TRPV4: variants seen among roughly 807,000 people sequenced by gnomAD.
The protein encoded by TRPV4 is OSM9-like transient receptor potential channel 4.
In TRPV4, 58 loss-of-function variants were observed where a neutral mutation model predicts 84.1. The ratio of observed to expected loss-of-function variants is 0.69; its 90% CI spans 0.56 to 0.86. The LOEUF (loss-of-function observed/expected upper bound fraction) is 0.86, where lower values mean the gene tolerates loss of function less well. TRPV4 is among the 40% of genes least tolerant of loss of function. The probability of loss-of-function intolerance (pLI) is 0.00; values close to 1 mark genes in which losing one functional copy is unlikely to be tolerated. For synonymous variants in TRPV4, 489 were observed against 500.9 expected (o/e 0.98, Z 0.32); for missense variants, 879 against 1,181.1 (o/e 0.74, Z 3.75).
intron 1 of TRPV4, among the ~76,000 whole-genome samples, chr12:109,822,921 T>C (rs1451071096): frequency 6.6e-6 from 1 of 152,220 alleles, no homozygotes; most frequent in Admixed American, 6.5e-5. Context: ...TACTATTTAT[T>C]AGTATCATTA....
At position 109,796,115 on chromosome 12, in the gene TRPV4, T is replaced by C. The variant is rs979611263; in HGVS notation, c.1332+410A>G. 2.0e-5 allele frequency among the ~76,000 whole-genome samples: 3 copies of C among 152,108 alleles called. No individual in the cohort carries two copies. The highest frequency in any genetic ancestry group is 7.2e-5 in the African/African-American group (3 of 41,414). On this transcript the variant is annotated intron_variant, in intron 7 of 15. Coordinates refer to ENST00000261740, the MANE Select transcript of TRPV4 (RefSeq NM_021625.5). This position sits in a 1 kb window ranked among gnomAD's most constrained non-coding sequence, Gnocchi z 4.2. The stretch of plus-strand genomic sequence containing the variant: ...CAACCATGAGTAGTAAAAGCTGACA[T>C]AATGTTTACTCTGTGCCAAGCCATT...
At position 109,798,515 on chromosome 12, in the gene TRPV4, A is replaced by G; in HGVS notation, c.1152+99T>C. 2 of 1,453,020 alleles carry G rather than the reference A, an allele frequency of 1.4e-6. No homozygotes were observed. The highest frequency in any genetic ancestry group is 1.2e-5 in the South Asian group (1 of 84,472). The allele number at this position is 1,453,020 out of a possible 1,614,324, so 90.0% of individuals were successfully genotyped here. ...CTGGGGTTGGCATGTTGGGAGGTGC[A>G]TGCACGTATTAATAATGAATACCAG... is the stretch of plus-strand genomic sequence containing the variant. On this transcript the variant is annotated intron_variant, in intron 6 of 15. Coordinates refer to ENST00000261740, the MANE Select transcript of TRPV4 (RefSeq NM_021625.5). The surrounding 1 kb of genome is among the most constrained non-coding windows in gnomAD (Gnocchi z 5.0).
At chr12:109,785,762 G>A (rs1889647855) in intron 14 of TRPV4, among the ~76,000 whole-genome samples, 1 of 151,828 alleles carries the variant, frequency 6.6e-6, no homozygotes, top group Admixed American at 6.6e-5. Flanking sequence ...GCTGGGTGTG[G>A]TGGCTCACGC....
At chr12:109,811,613 G>T (rs1278321277) in intron 2 of TRPV4, among the ~76,000 whole-genome samples, 5 of 151,246 alleles carry the variant, frequency 3.3e-5, no homozygotes, top group African/African-American at 1.2e-4. Flanking sequence ...AGCCAAGATA[G>T]CGCCACTGCA....
In TRPV4 at chr12:109,786,341, G is replaced by T. The variant is rs1033124159; in HGVS notation, c.2336+369C>A. Among the ~76,000 whole-genome samples the T allele has an allele frequency of 6.6e-6, 1 of 152,178 alleles. No homozygotes were observed. Among genetic ancestry groups the T allele is most frequent in the Admixed American group, 6.5e-5 (1 of 15,280 alleles). On this transcript the variant is annotated intron_variant, in intron 14 of 15. Coordinates refer to ENST00000261740, the MANE Select transcript of TRPV4 (RefSeq NM_021625.5). The surrounding 1 kb of genome is among the most constrained non-coding windows in gnomAD (Gnocchi z 4.5). ...CACCCCACTGTTTGGTAGATACAGG[G>T]TGATGCTCTAAAATGAACCCACCAT...
intron 2 of TRPV4, among the ~76,000 whole-genome samples, chr12:109,811,873 G>A (rs1479314510): frequency 1.3e-5 from 2 of 151,856 alleles, no homozygotes; most frequent in African/African-American, 2.4e-5. Flanking sequence ...ACAGGCCACC[G>A]AGAGGAGATT....
intron 3 of TRPV4, 141 bp from the exon 4 acceptor site, chr12:109,803,284 T>C: frequency 9.6e-7 from 1 of 1,040,502 alleles, no homozygotes; most frequent in Non-Finnish European, 1.4e-6. Flanking sequence ...TCCTCATCTG[T>C]CCAGTGGGGA....
At chr12:109,825,984 T>C (rs1892242313) in intron 1 of TRPV4, among the ~76,000 whole-genome samples, 1 of 152,204 alleles carries the variant, frequency 6.6e-6, no homozygotes, top group African/African-American at 2.4e-5. Context: ...CCATCAGTAA[T>C]GCCTACCCTC....
At chr12:109,808,523 C>T (rs1891288895) in intron 2 of TRPV4, 55 bp from the exon 3 acceptor site, 2 of 1,559,198 alleles carry the variant, frequency 1.3e-6, no homozygotes, top group South Asian at 1.2e-5. Context: ...GCCTGCCCCA[C>T]TGTCCCTGGC....
chr12:109,828,584 G>C (rs1236392811), intron 1 of TRPV4, among the ~76,000 whole-genome samples: 2 of 152,240 alleles, frequency 1.3e-5, no homozygotes, highest in Admixed American at 1.3e-4. Context: ...CAGGAACAGA[G>C]AGCTTAAGCC....
Position 109,788,348 on chromosome 12 carries a change from C to A in TRPV4, c.2208+52G>T, listed in dbSNP as rs942467564. The stretch of plus-strand genomic sequence containing the variant: ...AGGAAGCCAGTCGGGTGGGTCTCCT[C>A]GGAAGGACGAGGGTGGCTGGTAGAG... On this transcript the variant is annotated intron_variant, in intron 13 of 15. Coordinates refer to ENST00000261740, the MANE Select transcript of TRPV4 (RefSeq NM_021625.5). 8.3e-6 allele frequency: 13 copies of A among 1,570,264 alleles called. No homozygotes were observed. In the East Asian group the frequency reaches 1.4e-4, roughly 17 times the overall value.
At position 109,808,416 on chromosome 12, in the gene TRPV4, T is replaced by TGAGGATGGGGG; in HGVS notation, c.428_438dup (p.Lys147ProfsTer32). 6.2e-7 allele frequency: 1 copy of TGAGGATGGGGG among 1,613,988 alleles called. No individual in the cohort carries two copies. Among genetic ancestry groups the TGAGGATGGGGG allele is most frequent in the Non-Finnish European group, 8.5e-7 (1 of 1,179,948 alleles). ...AAGAGGATAGGCCGGTTGAAGACTT[T>TGAGGATGGGGG]GAGGATGGGGGGCGGCTGAGGGGCA... On this transcript the variant is annotated frameshift_variant, in exon 3 of 16. Transcript: ENST00000261740. LOFTEE classifies it high-confidence loss of function.
rs1001425300 is a variant in TRPV4, at chr12:109,802,883, G to A, written c.712+108C>T. The A allele has an allele frequency of 3.5e-6, 4 of 1,153,086 alleles. No individual in the cohort carries two copies. In the African/African-American group the frequency reaches 6.0e-5, roughly 17 times the overall value. The allele number at this position is 1,153,086 out of a possible 1,614,324, so 71.4% of individuals were successfully genotyped here. A position where few individuals can be genotyped will look rare whatever the true frequency, so the allele number is the denominator to read the frequency against. The stretch of plus-strand genomic sequence containing the variant: ...CCATCCATCCATTTGTCAGGTCCTG[G>A]GTACATGCTGGCACTTAGGCCCAGA... On this transcript the variant is annotated intron_variant, in intron 4 of 15. Transcript: ENST00000261740.
At position 109,784,327 on chromosome 12, in the gene TRPV4, C is replaced by T. The variant is rs1431224527; in HGVS notation, c.2447G>A (p.Arg816His). The T allele has an allele frequency of 9.9e-6, 16 of 1,614,026 alleles. No homozygotes were observed. The highest frequency in any genetic ancestry group is 1.3e-5 in the African/African-American group (1 of 74,928). The change falls in exon 15 of 16, where the codon CGC (arginine) becomes CAC (histidine). Residue 816 changes from arginine (R) to histidine (H), a missense_variant. Transcript: ENST00000261740. ...GCCCCTCCACTCACCCCTGCGGAGG[C>T]GGCCCACGGTATGCGAGAAGCCATA... ...QYYGFSHTVG[R>H]LRRDRWSSVV...
At chr12:109,812,214 A>T (rs1485092692) in intron 2 of TRPV4, among the ~76,000 whole-genome samples, 1 of 152,136 alleles carries the variant, frequency 6.6e-6, no homozygotes, top group Non-Finnish European at 1.5e-5. Flanking sequence ...CTGGGGGAGG[A>T]TGGGGACCAG....
chr12:109,799,983 C>G (rs1293612571), intron 5 of TRPV4, among the ~76,000 whole-genome samples: 2 of 151,886 alleles, frequency 1.3e-5, no homozygotes, highest in East Asian at 3.9e-4. Flanking sequence ...CACTCTGTCA[C>G]CCAAGCTGGA....
chr12:109,808,399 A>T lies in TRPV4; in HGVS notation c.456T>A (p.Pro152=). Residue 152 remains proline (P), a synonymous_variant, in exon 3 of 16, where the codon CCT becomes CCA. Coordinates refer to ENST00000261740, the MANE Select transcript of TRPV4 (RefSeq NM_021625.5). ...PPPILKVFNR[P]ILFDIVSRGS... is the part of the protein sequence containing the mutation. Reference sequence around the variant, plus strand: ...CCCGGGACACGATGTCAAAGAGGATAGGCCGGTTGAAGACTTTGAGGATGG... The same window carrying T: ...CCCGGGACACGATGTCAAAGAGGATTGGCCGGTTGAAGACTTTGAGGATGG... 6.2e-7 allele frequency: 1 copy of T among 1,614,164 alleles called. No individual in the cohort carries two copies. Among genetic ancestry groups the T allele is most frequent in the Non-Finnish European group, 8.5e-7 (1 of 1,180,018 alleles).
intron 1 of TRPV4, among the ~76,000 whole-genome samples, chr12:109,819,068 C>T (rs1225210926): frequency 6.6e-6 from 1 of 152,048 alleles, no homozygotes; most frequent in Non-Finnish European, 1.5e-5. Flanking sequence ...TGTACACATA[C>T]ACATAGGCAT....
intron 3 of TRPV4, among the ~76,000 whole-genome samples, chr12:109,805,979 A>C: frequency 6.6e-6 from 1 of 152,116 alleles, no homozygotes; most frequent in East Asian, 1.9e-4. Context: ...AAGATTCCGC[A>C]CTTTTGCCTC....
Sources: allele counts gnomAD v4.1 joint callset (sites outside exome capture counted in the v4.1 genomes callset), GRCh38; gene constraint gnomAD v4.1.1; non-coding constraint Gnocchi (gnomAD v3.1); transcripts MANE v1.5; gene names NCBI Gene and HGNC (gene_info 2026-07-23, HGNC 2026-07-21).